The following CA10 variants were observed in gnomAD, a reference collection of about 807,000 sequenced individuals.
The protein encoded by CA10 is carbonic anhydrase 10 (inactive).
Under a neutral mutation model 44.2 loss-of-function variants are expected in CA10, and 14 were observed. That is an observed-to-expected ratio of 0.32 (90% CI 0.21 to 0.50). CA10 has a LOEUF of 0.50. CA10 is among the 20% of genes least tolerant of loss of function. The pLI, the probability that CA10 is intolerant of heterozygous loss-of-function variation, is 0.99. For missense variants in CA10, 350 were observed against 409.7 expected (o/e 0.85, Z 1.26); for synonymous variants, 159 against 141.6 (o/e 1.12, Z -0.87).
Position 51,635,924 on chromosome 17 carries a change from A to C in CA10, c.720T>G (p.Thr240=). ...TTGCTGTCTCATAGCAGGGTGGGAT[A>C]GTCATCGACCCATCGTAAGTGATGA... ...SSFITYDGSM[T]IPPCYETASW... Residue 240 remains threonine, a synonymous_variant, in exon 7 of 9, where the codon ACT becomes ACG. Transcript: ENST00000451037. The C allele has an allele frequency of 6.2e-7, 1 of 1,609,850 alleles. No homozygotes were observed. The highest frequency in any genetic ancestry group is 2.2e-5 in the East Asian group (1 of 44,800).
intron 2 of CA10, among the ~76,000 whole-genome samples, chr17:52,025,076 C>T (rs980775497): frequency 4.4e-4 from 67 of 151,982 alleles, no homozygotes; most frequent in African/African-American, 1.5e-3. Context: ...AACCTTCCCT[C>T]CCAACCCCTG....
chr17:51,868,057 A>AACACACACACACAC (rs34631877), intron 3 of CA10, among the ~76,000 whole-genome samples: 15 of 144,938 alleles, frequency 1.0e-4, no homozygotes, highest in African/African-American at 2.5e-4. Context: ...AAGCAGGTGT[A>AACACACACACACAC]ACACACACAC....
At chr17:52,046,604 T>G (rs1986919690) in intron 2 of CA10, among the ~76,000 whole-genome samples, 1 of 151,792 alleles carries the variant, frequency 6.6e-6, no homozygotes, top group Non-Finnish European at 1.5e-5. Context: ...CCTAGATGGT[T>G]TCATTGATGC....
intron 2 of CA10, among the ~76,000 whole-genome samples, chr17:51,995,936 T>C (rs369623861): frequency 2.6e-5 from 4 of 152,152 alleles, no homozygotes; most frequent in South Asian, 4.1e-4. Context: ...CAACTTCCCA[T>C]CATTCTCTCT....
At chr17:52,072,680 C>CACAA (rs1987713481) in intron 1 of CA10, among the ~76,000 whole-genome samples, 1 of 70,100 alleles carries the variant, frequency 1.4e-5, no homozygotes, top group Non-Finnish European at 3.2e-5. Flanking sequence ...CTTCCCCATA[C>CACAA]ACACACACAC....
At chr17:51,928,164 T>C (rs773319085) in intron 3 of CA10, among the ~76,000 whole-genome samples, 11 of 152,174 alleles carry the variant, frequency 7.2e-5, no homozygotes, top group Admixed American at 2.0e-4. Context: ...AAAAAATTCA[T>C]GTATGTTTCA....
chr17:52,120,439 CTT>C lies in CA10; in HGVS notation c.61+37285_61+37286del, dbSNP rs1440236916. Among the ~76,000 whole-genome samples the C allele has an allele frequency of 1.9e-4, 29 of 151,302 alleles. No homozygotes were observed. The East Asian group carries it at 5.5e-3, about 28-fold the overall frequency. ...CCTTATCCTTATCCTTATCCTTATC[CTT>C]ATCCTTATCCTTATCCTTATCCTTA... On this transcript the variant is annotated intron_variant, in intron 1 of 8. Coordinates refer to ENST00000451037, the MANE Select transcript of CA10 (RefSeq NM_020178.5).
chr17:52,075,458 A>G (rs989790136), intron 1 of CA10, among the ~76,000 whole-genome samples: 1 of 152,236 alleles, frequency 6.6e-6, no homozygotes, highest in African/African-American at 2.4e-5. Context: ...GCATTGCTAA[A>G]GAACCAGGTA....
chr17:51,681,609 T>C (rs1257336327), intron 4 of CA10, among the ~76,000 whole-genome samples: 1 of 152,200 alleles, frequency 6.6e-6, no homozygotes, highest in Non-Finnish European at 1.5e-5. Flanking sequence ...CATTGCCAAA[T>C]GTCCCCTGAA....
chr17:52,157,741 T>G lies in CA10; in HGVS notation c.46A>C (p.Ile16Leu), dbSNP rs140850689. Reference protein sequence around the residue: ...EVLFLLQANFIVCISAQQNSP... With the variant: ...EVLFLLQANFLVCISAQQNSP... ...CGTCCCGTACCTGATATGCAGACGA[T>G]GAAATTGGCTTGAAGAAGAAAAAGC... The change falls in exon 1 of 9, where the codon ATC (isoleucine) becomes CTC (leucine). Residue 16 changes from isoleucine to leucine, a missense_variant. Physicochemically the swap from Ile to Leu is conservative, Grantham distance 5. Coordinates refer to ENST00000451037, the MANE Select transcript of CA10 (RefSeq NM_020178.5). 6.2e-7 allele frequency: 1 copy of G among 1,613,970 alleles called. No homozygotes were observed. The highest frequency in any genetic ancestry group is 2.2e-5 in the East Asian group (1 of 44,844).
intron 2 of CA10, among the ~76,000 whole-genome samples, chr17:52,022,052 G>A (rs1169790312): frequency 1.3e-5 from 2 of 151,954 alleles, no homozygotes; most frequent in African/African-American, 2.4e-5. Flanking sequence ...TCAGCCCTTT[G>A]GCTAAGATCA....
intron 2 of CA10, among the ~76,000 whole-genome samples, chr17:52,063,380 G>C (rs1987443734): frequency 6.6e-6 from 1 of 152,174 alleles, no homozygotes; most frequent in African/African-American, 2.4e-5. Context: ...TGCAATGTGA[G>C]AAGGATGTGA....
chr17:52,031,313 C>T lies in CA10; in HGVS notation c.136+41006G>A, dbSNP rs150300018. 4.8e-3 allele frequency among the ~76,000 whole-genome samples: 732 copies of T among 151,962 alleles called. 6 individuals carry two copies. The highest frequency in any genetic ancestry group is 0.017 in the African/African-American group (699 of 41,440). On this transcript the variant is annotated intron_variant, in intron 2 of 8. Coordinates refer to ENST00000451037, the MANE Select transcript of CA10 (RefSeq NM_020178.5). ...TACAGGCATGCACCACCATGCCTGG[C>T]GAATTTTTGTATTTTTAGTAGAGAT...
intron 2 of CA10, among the ~76,000 whole-genome samples, chr17:51,993,641 G>T (rs1167997801): frequency 6.6e-6 from 1 of 152,020 alleles, no homozygotes; most frequent in African/African-American, 2.4e-5. Flanking sequence ...GATAGGAAGA[G>T]AAAATAACTC....
In CA10 at chr17:51,882,299, TTATCA is replaced by T. The variant is rs574286403; in HGVS notation, c.279+48686_279+48690del. 5.3e-5 allele frequency among the ~76,000 whole-genome samples: 8 copies of T among 152,310 alleles called. No individual in the cohort carries two copies. In the South Asian group the frequency reaches 1.7e-3, roughly 32 times the overall value. On this transcript the variant is annotated intron_variant, in intron 3 of 8. Coordinates refer to ENST00000451037, the MANE Select transcript of CA10 (RefSeq NM_020178.5). Reference sequence around the variant, plus strand: ...TGTTTCATAAAATTATCGTGTTATATTATCATATCCTTTTTCATTTTTCCCAGTTA... The same window carrying T: ...TGTTTCATAAAATTATCGTGTTATATTATCCTTTTTCATTTTTCCCAGTTA...
At chr17:51,759,769 A>G (rs1166410788) in intron 3 of CA10, among the ~76,000 whole-genome samples, 87 of 152,168 alleles carry the variant, frequency 5.7e-4, no homozygotes. Flanking sequence ...TCTTCAGTGC[A>G]GTGGGGAAGG....
At chr17:52,108,804 G>A (rs1022574195) in intron 1 of CA10, among the ~76,000 whole-genome samples, 1 of 151,572 alleles carries the variant, frequency 6.6e-6, no homozygotes, top group African/African-American at 2.4e-5. Context: ...CAAATATGGT[G>A]CAGTGTATAC....
chr17:51,680,799 G>C (rs1463361959), intron 4 of CA10, among the ~76,000 whole-genome samples: 1 of 152,120 alleles, frequency 6.6e-6, no homozygotes, highest in Non-Finnish European at 1.5e-5. Flanking sequence ...CATAGGTTGA[G>C]AAATTAAAAG....
chr17:51,993,009 T>C (rs151155218), intron 2 of CA10, among the ~76,000 whole-genome samples: 2,240 of 152,250 alleles, frequency 0.015, 23 homozygotes, highest in Middle Eastern at 0.027. Flanking sequence ...TCTTACTCGG[T>C]TTCCCCCATA....
Sources: allele counts gnomAD v4.1 joint callset (sites outside exome capture counted in the v4.1 genomes callset), GRCh38; gene constraint gnomAD v4.1.1; transcripts MANE v1.5; gene names NCBI Gene and HGNC (gene_info 2026-07-23, HGNC 2026-07-21).